Variants in ITGA1 observed in about 807,000 individuals in gnomAD.
The protein encoded by ITGA1 is integrin subunit alpha 1.
Under a neutral mutation model 145.9 loss-of-function variants are expected in ITGA1, and 85 were observed. The observed-to-expected ratio is 0.58, with a 90% CI of 0.49 to 0.70. The LOEUF (loss-of-function observed/expected upper bound fraction) is 0.70. ITGA1 is among the 30% of genes least tolerant of loss of function. The pLI, the probability that ITGA1 is intolerant of heterozygous loss-of-function variation, is 0.00. For synonymous variants in ITGA1, 520 were observed against 495.3 expected (o/e 1.05, Z -0.66); for missense variants, 1,351 against 1,418.7 (o/e 0.95, Z 0.77).
chr5:52,890,076 T>C (rs780096730), intron 8 of ITGA1: 3 of 152,188 alleles, frequency 2.0e-5, no homozygotes, highest in Non-Finnish European at 4.4e-5. Context: ...TTTATTTTAA[T>C]AATATTATAA....
intron 6 of ITGA1, 29 bp from the exon 7 acceptor site, chr5:52,881,843 CG>C (rs1435580114): frequency 3.8e-6 from 6 of 1,585,532 alleles, no homozygotes; most frequent in Non-Finnish European, 5.2e-6. Context: ...TTTGGATTGA[CG>C]TATAACTCAC....
At chr5:52,923,565 A>G (rs1750761799) in intron 18 of ITGA1, among the ~76,000 whole-genome samples, 1 of 152,236 alleles carries the variant, frequency 6.6e-6, no homozygotes, top group African/African-American at 2.4e-5. Flanking sequence ...TTGCCCTGGT[A>G]ACATTAGGAA....
chr5:52,790,236 A>G (rs572774065), intron 1 of ITGA1, among the ~76,000 whole-genome samples: 35 of 152,246 alleles, frequency 2.3e-4, no homozygotes, highest in Admixed American at 2.1e-3. Flanking sequence ...CATTTTTACT[A>G]TATCTGTTTT....
chr5:52,800,862 G>T, intron 1 of ITGA1: 1 of 1,610,930 alleles, frequency 6.2e-7, no homozygotes, highest in Non-Finnish European at 8.5e-7. Context: ...CTCCCAGCAT[G>T]ACCCTCACTC....
chr5:52,823,295 C>G lies in ITGA1; in HGVS notation c.62-26070C>G, dbSNP rs765476833. ...TATTGGCTCACTGCAACCTCCGCCT[C>G]CCGGGTTCAAGCAATTCTCCTGCCT... On this transcript the variant is annotated intron_variant, in intron 1 of 28. Coordinates refer to ENST00000282588, the MANE Select transcript of ITGA1 (RefSeq NM_181501.2). Among the ~76,000 whole-genome samples the G allele has an allele frequency of 2.0e-4, 30 of 152,316 alleles. 1 individual carries two copies. The highest frequency in any genetic ancestry group is 6.7e-4 in the African/African-American group (28 of 41,568).
chr5:52,933,028 A>G (rs1013379574), intron 22 of ITGA1: 1 of 151,970 alleles, frequency 6.6e-6, no homozygotes, highest in East Asian at 1.9e-4. Context: ...TAATAATTGT[A>G]CATATTTATA....
chr5:52,909,572 A>G (rs1750466012), intron 13 of ITGA1, among the ~76,000 whole-genome samples: 1 of 152,152 alleles, frequency 6.6e-6, no homozygotes, highest in East Asian at 1.9e-4. Flanking sequence ...CTTTATAGCA[A>G]AGCCAGTGTT....
chr5:52,933,816 A>G, intron 22 of ITGA1, 78 bp from the exon 23 acceptor site: 1 of 616,932 alleles, frequency 1.6e-6, no homozygotes, highest in South Asian at 2.6e-5. Context: ...ATTACATGAT[A>G]TGGAGAAAGA....
chr5:52,796,421 A>C (rs1748344864), intron 1 of ITGA1, among the ~76,000 whole-genome samples: 2 of 152,046 alleles, frequency 1.3e-5, no homozygotes, highest in Non-Finnish European at 2.9e-5. Context: ...TACTGATATA[A>C]AGTTTTCTAT....
intron 15 of ITGA1, among the ~76,000 whole-genome samples, chr5:52,917,206 G>C (rs1332465227): frequency 2.6e-5 from 4 of 152,180 alleles, no homozygotes; most frequent in Non-Finnish European, 4.4e-5. Flanking sequence ...GACAATGGTC[G>C]AGGCAGCTTC....
At chr5:52,862,475 T>C (rs952044502) in intron 3 of ITGA1, among the ~76,000 whole-genome samples, 1 of 152,162 alleles carries the variant, frequency 6.6e-6, no homozygotes, top group African/African-American at 2.4e-5. Context: ...GGAGCATACA[T>C]AAATTAGAAT....
rs1286292583 is a variant in ITGA1 at position 52,936,723 on chromosome 5, TCACTACTGGTAGCAGAA to T, written c.2965-675_2965-659del. On this transcript the variant is annotated intron_variant, in intron 23 of 28. Coordinates refer to ENST00000282588, the MANE Select transcript of ITGA1 (RefSeq NM_181501.2). ...GCCCACCTTTCCCTCTGAGCTACACTCACTACTGGTAGCAGAACATGATACTAAGTGGAAACTTTGGG... is the reference window on the plus strand; with the variant it reads ...GCCCACCTTTCCCTCTGAGCTACACTCATGATACTAAGTGGAAACTTTGGG... Among the ~76,000 whole-genome samples, 7 of 152,284 alleles carry T rather than the reference TCACTACTGGTAGCAGAA, an allele frequency of 4.6e-5. No homozygotes were observed. The South Asian group carries it at 8.3e-4, about 18-fold the overall frequency.
At chr5:52,921,612 A>T (rs1750730860) in intron 17 of ITGA1, among the ~76,000 whole-genome samples, 1 of 152,162 alleles carries the variant, frequency 6.6e-6, no homozygotes, top group African/African-American at 2.4e-5. Context: ...ACCTGCTAAA[A>T]ATCATCTCAG....
In ITGA1 at chr5:52,849,267, C is replaced by G. The variant is rs911019497; in HGVS notation, c.62-98C>G. 5 of 1,004,304 alleles carry G rather than the reference C, an allele frequency of 5.0e-6. No individual in the cohort carries two copies. In the East Asian group the frequency reaches 7.7e-5, roughly 15 times the overall value. The allele number at this position is 1,004,304 out of a possible 1,614,324, so 62.2% of individuals were successfully genotyped here. A position where few individuals can be genotyped will look rare whatever the true frequency, so the allele number is the denominator to read the frequency against. ...TGAGCTTCTTTTTTTTTAATAGAAA[C>G]AGCTTTCGATGGTAACCTTAACCAT... On this transcript the variant is annotated intron_variant, in intron 1 of 28. Transcript: ENST00000282588.
At chr5:52,820,793 A>G (rs1224944056) in intron 1 of ITGA1, among the ~76,000 whole-genome samples, 1 of 152,174 alleles carries the variant, frequency 6.6e-6, no homozygotes, top group Admixed American at 6.5e-5. Flanking sequence ...TAAGAAATTT[A>G]TAGTATTATC....
chr5:52,865,606 G>T, intron 5 of ITGA1, 84 bp from the exon 6 acceptor site: 2 of 1,118,466 alleles, frequency 1.8e-6, no homozygotes, highest in South Asian at 5.7e-5. Flanking sequence ...CTTTTAAAAT[G>T]AACTTCTTTC....
chr5:52,880,462 A>T (rs1039971664), intron 6 of ITGA1, among the ~76,000 whole-genome samples: 1 of 152,234 alleles, frequency 6.6e-6, no homozygotes, highest in African/African-American at 2.4e-5. Context: ...GTTTCTAAAA[A>T]CACACCAGAA....
At position 52,855,451 on chromosome 5, in the gene ITGA1, T is replaced by C. The variant is rs148224237; in HGVS notation, c.182+5966T>C. ...AGTACTTGACACAGTCGTTAATTCA[T>C]TCATTCAATAGATATTTATTGAATG... On this transcript the variant is annotated intron_variant, in intron 2 of 28. Transcript: ENST00000282588. 3.4e-4 allele frequency among the ~76,000 whole-genome samples: 52 copies of C among 152,282 alleles called. 1 individual carries two copies. The East Asian group carries it at 9.8e-3, about 29-fold the overall frequency.
At chr5:52,910,934 GTATGTATACTGTATATAGTA>G (rs1363988928) in intron 14 of ITGA1, among the ~76,000 whole-genome samples, 1 of 134,500 alleles carries the variant, frequency 7.4e-6, no homozygotes, top group Non-Finnish European at 1.5e-5. Flanking sequence ...AGTATATATG[GTATGTATACTGTATATAGTA>G]TATACACTAT....
Sources: allele counts gnomAD v4.1 joint callset (sites outside exome capture counted in the v4.1 genomes callset), GRCh38; gene constraint gnomAD v4.1.1; transcripts MANE v1.5; gene names NCBI Gene and HGNC (gene_info 2026-07-23, HGNC 2026-07-21).